Variants in MMP20 observed in about 807,000 individuals in gnomAD.
The protein encoded by MMP20 is matrix metallopeptidase 20.
Under a neutral mutation model 51.8 loss-of-function variants are expected in MMP20, and 50 were observed. The ratio of observed to expected loss-of-function variants is 0.97; its 90% CI spans 0.77 to 1.22. The LOEUF is 1.22. Among genes scored for constraint, MMP20 ranks in the 50% most tolerant of loss-of-function variants. The pLI, the probability that MMP20 is intolerant of heterozygous loss-of-function variation, is 0.00. For missense variants in MMP20, 663 were observed against 601.4 expected (o/e 1.10, Z -1.07); for synonymous variants, 244 against 216.2 (o/e 1.13, Z -1.13).
At chr11:102,598,605 G>A (rs995945422) in intron 6 of MMP20, among the ~76,000 whole-genome samples, 1 of 152,196 alleles carries the variant, frequency 6.6e-6, no homozygotes, top group Non-Finnish European at 1.5e-5. Flanking sequence ...CCAAAGAACA[G>A]TAACTAACTC....
intron 4 of MMP20, 127 bp downstream of exon 4, chr11:102,609,778 T>G: frequency 7.3e-7 from 1 of 1,369,086 alleles, no homozygotes; most frequent in Non-Finnish European, 1.0e-6. Context: ...ATTTTTGGCT[T>G]ACTTGTTTTT....
intron 6 of MMP20, among the ~76,000 whole-genome samples, chr11:102,600,448 T>C (rs187662305): frequency 3.9e-5 from 6 of 152,308 alleles, no homozygotes; most frequent in Non-Finnish European, 8.8e-5. Context: ...GAATGATCTA[T>C]CTCAACTCTT....
intron 2 of MMP20, among the ~76,000 whole-genome samples, chr11:102,616,502 T>G (rs904925780): frequency 1.1e-4 from 17 of 152,212 alleles, no homozygotes; most frequent in Admixed American, 5.9e-4. Flanking sequence ...AGCAGGTTGT[T>G]TTAAGAAAAC....
intron 7 of MMP20, among the ~76,000 whole-genome samples, chr11:102,594,237 A>G (rs1859352717): frequency 6.6e-6 from 1 of 152,212 alleles, no homozygotes; most frequent in Non-Finnish European, 1.5e-5. Flanking sequence ...TGACCACAGC[A>G]TAGAAGTAAG....
At chr11:102,598,824 C>A (rs946809683) in intron 6 of MMP20, among the ~76,000 whole-genome samples, 1 of 152,128 alleles carries the variant, frequency 6.6e-6, no homozygotes, top group Non-Finnish European at 1.5e-5. Flanking sequence ...CTCCACCTAC[C>A]TAAGCTGACC....
intron 2 of MMP20, among the ~76,000 whole-genome samples, chr11:102,613,774 G>C (rs986590521): frequency 1.3e-5 from 2 of 152,162 alleles, no homozygotes; most frequent in East Asian, 3.9e-4. Flanking sequence ...ATTGAAGGGG[G>C]ATACCAGACA....
intron 8 of MMP20, among the ~76,000 whole-genome samples, chr11:102,579,376 C>A (rs759089592): frequency 2.4e-4 from 37 of 151,780 alleles, no homozygotes; most frequent in Non-Finnish European, 4.9e-4. Flanking sequence ...GTAGTGGTGC[C>A]ATCATGGCTC....
intron 2 of MMP20, among the ~76,000 whole-genome samples, chr11:102,616,596 C>G (rs1859673661): frequency 6.6e-6 from 1 of 152,134 alleles, no homozygotes; most frequent in Non-Finnish European, 1.5e-5. Context: ...TTTGGAATGC[C>G]TAAAATAGCC....
At chr11:102,582,936 T>C (rs1284875572) in intron 8 of MMP20, among the ~76,000 whole-genome samples, 2 of 152,214 alleles carry the variant, frequency 1.3e-5, no homozygotes, top group African/African-American at 4.8e-5. Context: ...TGGGCAGTCT[T>C]ATATCCTCAC....
intron 5 of MMP20, chr11:102,607,089 G>A (rs1859527773): frequency 5.5e-6 from 1 of 182,894 alleles, no homozygotes; most frequent in Non-Finnish European, 1.2e-5. Context: ...GGCATGGATT[G>A]TTTGTTTGTA....
At chr11:102,612,600 T>C (rs1238401104) in intron 2 of MMP20, among the ~76,000 whole-genome samples, 5 of 152,114 alleles carry the variant, frequency 3.3e-5, no homozygotes, top group Admixed American at 2.6e-4. Context: ...TTTTCAATTA[T>C]AAAAAATAGA....
chr11:102,619,578 AAT>A (rs1159516423), intron 1 of MMP20, among the ~76,000 whole-genome samples: 3 of 150,878 alleles, frequency 2.0e-5, no homozygotes, highest in East Asian at 2.0e-4. Flanking sequence ...AAAAAAACAA[AAT>A]AAATGCCAAA....
chr11:102,610,148 G>A, intron 3 of MMP20, 118 bp from the exon 4 acceptor site: 2 of 1,148,560 alleles, frequency 1.7e-6, no homozygotes, highest in South Asian at 1.3e-5. Flanking sequence ...TCACTTTTCA[G>A]TATTTATTTG....
At chr11:102,613,550 T>A (rs531219952) in intron 2 of MMP20, among the ~76,000 whole-genome samples, 2 of 152,360 alleles carry the variant, frequency 1.3e-5, no homozygotes, top group East Asian at 3.8e-4. Flanking sequence ...AATACAGGTA[T>A]GATCCAGAAA....
rs79097188 is a variant in MMP20, at chr11:102,624,010, G to A, written c.126+1184C>T. On this transcript the variant is annotated intron_variant, in intron 1 of 9. Coordinates refer to ENST00000260228, the MANE Select transcript of MMP20 (RefSeq NM_004771.4). ...GTCAAAAGAAGTTCAGTTCAACATGGTTGTGCTGGGCATCAGCTGTGCTGT... is the reference window on the plus strand; with the variant it reads ...GTCAAAAGAAGTTCAGTTCAACATGATTGTGCTGGGCATCAGCTGTGCTGT... 2.1e-3 allele frequency among the ~76,000 whole-genome samples: 325 copies of A among 152,312 alleles called. 1 individual carries two copies. Among genetic ancestry groups the A allele is most frequent in the Admixed American group, 3.5e-3 (54 of 15,306 alleles).
In MMP20 at chr11:102,601,125, C is replaced by CTTTTTTTTTTTTT; in HGVS notation, c.953+5397_953+5409dup. On this transcript the variant is annotated intron_variant, in intron 6 of 9. Coordinates refer to ENST00000260228, the MANE Select transcript of MMP20 (RefSeq NM_004771.4). ...AAATGACCACGAAGTGTCGGCTATT[C>CTTTTTTTTTTTTT]TTTTTTTTTTTTTTTTTTTTTTTTT... Among the ~76,000 whole-genome samples, 16 of 28,266 alleles carry CTTTTTTTTTTTTT rather than the reference C, an allele frequency of 5.7e-4. 2 individuals carry two copies. Among genetic ancestry groups the CTTTTTTTTTTTTT allele is most frequent in the African/African-American group, 2.6e-3 (15 of 5,852 alleles). 18.5% of individuals were successfully genotyped at this position (28,266 alleles called of 152,430 possible).
chr11:102,593,471 C>T lies in MMP20; in HGVS notation c.1215G>A (p.Lys405=). The change falls in exon 8 of 10, where the codon AAG becomes AAA. Residue 405 remains lysine, a synonymous_variant. Coordinates refer to ENST00000260228, the MANE Select transcript of MMP20 (RefSeq NM_004771.4). ...DAAVYLREPQ[K]TLFFVGDEYY... ...ATTCATCTCCCACAAAGAAAAGGGT[C>T]TTCTGTGGCTCCCTGAGGTAGACAG... is the stretch of plus-strand genomic sequence containing the variant. 3 of 1,614,140 alleles carry T rather than the reference C, an allele frequency of 1.9e-6. No individual in the cohort carries two copies. The highest frequency in any genetic ancestry group is 2.5e-6 in the Non-Finnish European group (3 of 1,179,990).
rs759614533 is a variant in MMP20 at position 102,616,826 on chromosome 11, AT to A, written c.359del (p.Asn120IlefsTer3). 6.2e-6 allele frequency: 10 copies of A among 1,613,708 alleles called. No individual in the cohort carries two copies. Among genetic ancestry groups the A allele is most frequent in the South Asian group, 1.1e-5 (1 of 91,074 alleles). The stretch of plus-strand genomic sequence containing the variant: ...GATCTCATTACCTGTATGTCAAAGT[AT>A]TTTTTTTCCATTTGGGTTCACCAGG... ...LFPGEPKWKKNTLTYRISKYT... is the reference protein window; with the variant it reads ...LFPGEPKWKKXTLTYRISKYT... On this transcript the variant is annotated frameshift_variant, in exon 2 of 10. Transcript: ENST00000260228. LOFTEE classifies it high-confidence loss of function.
intron 1 of MMP20, among the ~76,000 whole-genome samples, chr11:102,622,712 C>T (rs888927713): frequency 6.6e-6 from 1 of 152,166 alleles, no homozygotes; most frequent in Non-Finnish European, 1.5e-5. Flanking sequence ...TTCCCACCAG[C>T]TCCCTCATCC....
Sources: gnomAD v4.1 joint callset for allele counts (sites outside exome capture counted in the v4.1 genomes callset) on GRCh38, gnomAD v4.1.1 for gene constraint, MANE v1.5 for transcripts, NCBI Gene and HGNC (gene_info 2026-07-23, HGNC 2026-07-21) for gene names.